The following AP2A2 variants were observed in gnomAD, a reference collection of about 807,000 sequenced individuals.
AP2A2 encodes adaptor related protein complex 2 subunit alpha 2.
In AP2A2, 32 loss-of-function variants were observed where a neutral mutation model predicts 104.2. That is an observed-to-expected ratio of 0.31 (90% confidence interval 0.23 to 0.41). AP2A2 has a LOEUF of 0.41. Ranked by LOEUF, AP2A2 falls within the 10% of genes least tolerant of loss-of-function variation. The probability of loss-of-function intolerance (pLI) is 1.00; values close to 1 mark genes in which losing one functional copy is unlikely to be tolerated. For missense variants in AP2A2, 912 were observed against 1,261.0 expected, an observed-to-expected ratio of 0.72 and a Z score of 4.19; for synonymous variants, 539 against 533.3, an observed-to-expected ratio of 1.01 and a Z score of -0.15.
At position 936,154 on chromosome 11, in the gene AP2A2, G is replaced by A. The variant is rs1181390843; in HGVS notation, c.67+10066G>A. 2.1e-5 allele frequency among the ~76,000 whole-genome samples: 3 copies of A among 145,774 alleles called. 1 individual carries two copies. The highest frequency in any genetic ancestry group is 4.1e-4 in the East Asian group (2 of 4,928). ...TATCTCCTGACCTCGTGATCTGCCT[G>A]CCTCGGCCTCCCAAAGTGCTAGGAT... On this transcript the variant is annotated intron_variant, in intron 1 of 21. Coordinates refer to ENST00000448903, the MANE Select transcript of AP2A2 (RefSeq NM_012305.4).
intron 2 of AP2A2, among the ~76,000 whole-genome samples, chr11:963,649 G>A (rs1317369918): frequency 6.6e-6 from 1 of 152,176 alleles, no homozygotes; most frequent in Non-Finnish European, 1.5e-5. Flanking sequence ...GATTTACTGA[G>A]ACAAGATCTT....
At chr11:964,722 G>C (rs536000642) in intron 2 of AP2A2, among the ~76,000 whole-genome samples, 1 of 152,176 alleles carries the variant, frequency 6.6e-6, no homozygotes. Context: ...AATACCTGCC[G>C]AAGACAGAAA....
intron 6 of AP2A2, among the ~76,000 whole-genome samples, chr11:984,430 C>T (rs530428366): frequency 5.3e-4 from 81 of 152,324 alleles, no homozygotes; most frequent in African/African-American, 1.9e-3. Flanking sequence ...GCGAGGGCTG[C>T]CACTCAGCTG....
At chr11:973,046 G>C (rs924555838) in intron 4 of AP2A2, among the ~76,000 whole-genome samples, 8 of 152,364 alleles carry the variant, frequency 5.3e-5, no homozygotes, top group African/African-American at 1.9e-4. Flanking sequence ...GCCCCCACCT[G>C]TGTGTTCCAG....
intron 1 of AP2A2, among the ~76,000 whole-genome samples, chr11:935,038 T>G (rs1853407941): frequency 6.8e-6 from 1 of 146,392 alleles, no homozygotes; most frequent in Non-Finnish European, 1.5e-5. Context: ...TTTGTATTTT[T>G]GGTAGAGATG....
Position 992,789 on chromosome 11 carries a change from C to A in AP2A2, c.1452+104C>A. 1 of 1,269,802 alleles carries A rather than the reference C, an allele frequency of 7.9e-7. No homozygotes were observed. Among genetic ancestry groups the A allele is most frequent in the Non-Finnish European group, 1.1e-6 (1 of 894,508 alleles). 78.7% of individuals were successfully genotyped at this position (1,269,802 alleles called of 1,614,324 possible). ...TGCGTGGAGGTGCCGAGGGCCGTTG[C>A]TGACCCCTCTTGCCCCTCAGCTCTT... On this transcript the variant is annotated intron_variant, in intron 11 of 21. Transcript: ENST00000448903. This position sits in a 1 kb window ranked among gnomAD's most constrained non-coding sequence, Gnocchi z 6.4.
chr11:1,010,366 C>A (rs1306640679), intron 21 of AP2A2, 182 bp from the exon 22 acceptor site: 5 of 601,594 alleles, frequency 8.3e-6, no homozygotes, highest in Non-Finnish European at 1.5e-5. Context: ...CCAGGCGCTC[C>A]CATGCCAGCC....
chr11:937,867 C>T (rs1853512021), intron 1 of AP2A2, among the ~76,000 whole-genome samples: 2 of 152,246 alleles, frequency 1.3e-5, no homozygotes, highest in South Asian at 2.1e-4. Flanking sequence ...GAAACTGTGG[C>T]GTGGAGAGGT....
In AP2A2 at chr11:992,254, G is replaced by T. The variant is rs1855685882; in HGVS notation, c.1270-249G>T. ...AAGGGCCCAGGTGGGAGGTGGCCTG[G>T]CTGTGGCCGTGGCCTTCTGTGCACT... On this transcript the variant is annotated intron_variant, in intron 10 of 21. Transcript: ENST00000448903. The surrounding 1 kb of genome is among the most constrained non-coding windows in gnomAD (Gnocchi z 6.4). Among the ~76,000 whole-genome samples, 1 of 152,168 alleles carries T rather than the reference G, an allele frequency of 6.6e-6. No individual in the cohort carries two copies. The highest frequency in any genetic ancestry group is 2.4e-5 in the African/African-American group (1 of 41,440).
intron 1 of AP2A2, among the ~76,000 whole-genome samples, chr11:939,101 A>AT (rs1218757627): frequency 1.3e-5 from 2 of 151,820 alleles, no homozygotes; most frequent in Non-Finnish European, 2.9e-5. Context: ...ATATAAAAAA[A>AT]TTCCCTGAGT....
At chr11:1,001,424 C>A (rs919912792) in intron 15 of AP2A2, 12 of 152,262 alleles carry the variant, frequency 7.9e-5, no homozygotes, top group African/African-American at 2.9e-4. Context: ...GCGCAGGTGC[C>A]GGTTTCTGTC....
chr11:941,719 C>T (rs1853651441), intron 1 of AP2A2, among the ~76,000 whole-genome samples: 1 of 151,628 alleles, frequency 6.6e-6, no homozygotes, highest in Non-Finnish European at 1.5e-5. Context: ...TCCCAAGTAG[C>T]TGGGACTACA....
chr11:984,846 G>C, intron 7 of AP2A2, 93 bp downstream of exon 7: 1 of 1,089,764 alleles, frequency 9.2e-7, no homozygotes, highest in Non-Finnish European at 1.4e-6. Context: ...TTTAAGAAGT[G>C]TGTTACTAGC....
intron 15 of AP2A2, 102 bp from the exon 16 acceptor site, chr11:1,003,620 G>A (rs1007168079): frequency 7.0e-5 from 47 of 667,642 alleles, no homozygotes; most frequent in Non-Finnish European, 1.0e-4. Context: ...TGCCATAGAG[G>A]TTTTTCTGGC....
At chr11:939,852 C>T (rs747604319) in intron 1 of AP2A2, among the ~76,000 whole-genome samples, 4 of 151,846 alleles carry the variant, frequency 2.6e-5, no homozygotes, top group Non-Finnish European at 5.9e-5. Context: ...ATGTCTATTT[C>T]ATGTCTGAAA....
In AP2A2 at chr11:984,695, C is replaced by T. The variant is rs757273203; in HGVS notation, c.756C>T (p.Val252=). 6 of 1,613,716 alleles carry T rather than the reference C, an allele frequency of 3.7e-6. No individual in the cohort carries two copies. The highest frequency in any genetic ancestry group is 1.1e-5 in the South Asian group (1 of 91,082). ...TDLQDYTYYF[V]PAPWLSVKLL... is the part of the protein sequence containing the mutation. ...TCCAGGATTACACTTACTATTTTGTCCCGGCTCCCTGGCTGTCTGTCAAAC... is the reference window on the plus strand; with the variant it reads ...TCCAGGATTACACTTACTATTTTGTTCCGGCTCCCTGGCTGTCTGTCAAAC... The change falls in exon 7 of 22, where the codon GTC becomes GTT. Residue 252 remains valine (V), a synonymous_variant. Coordinates refer to ENST00000448903, the MANE Select transcript of AP2A2 (RefSeq NM_012305.4).
chr11:928,113 C>T (rs1169809642), intron 1 of AP2A2, among the ~76,000 whole-genome samples: 1 of 152,172 alleles, frequency 6.6e-6, no homozygotes, highest in African/African-American at 2.4e-5. Flanking sequence ...TGTGCCAGGG[C>T]CTGCGTTTGA....
chr11:1,003,954 A>T, intron 16 of AP2A2, 150 bp downstream of exon 16: 14 of 364,920 alleles, frequency 3.8e-5, no homozygotes, highest in Non-Finnish European at 4.8e-5. Flanking sequence ...CAATTAAAAA[A>T]TGGGCAAAAG....
Position 993,804 on chromosome 11 carries a change from TC to T in AP2A2, c.1605del (p.Thr536ProfsTer13). ...CACTCCAAGTTCCACCTGTGCAGCGTCCCCACCCGCGCGCTGCTCCTGTCCA... is the reference window on the plus strand; with the variant it reads ...CACTCCAAGTTCCACCTGTGCAGCGTCCCACCCGCGCGCTGCTCCTGTCCA... ...LLHSKFHLCS[V>X]PTRALLLSTY... is the part of the protein sequence containing the mutation. On this transcript the variant is annotated frameshift_variant, in exon 13 of 22. Transcript: ENST00000448903. LOFTEE classifies it high-confidence loss of function. The surrounding 1 kb of genome is among the most constrained non-coding windows in gnomAD (Gnocchi z 8.2). 1.2e-6 allele frequency: 2 copies of T among 1,607,374 alleles called. No homozygotes were observed.
Sources: gnomAD v4.1 joint callset for allele counts (sites outside exome capture counted in the v4.1 genomes callset) on GRCh38, gnomAD v4.1.1 for gene constraint, Gnocchi (gnomAD v3.1) non-coding constraint, MANE v1.5 for transcripts, NCBI Gene and HGNC (gene_info 2026-07-23, HGNC 2026-07-21) for gene names.